PRKCA: variants seen among roughly 807,000 people sequenced by gnomAD.
The protein encoded by PRKCA is protein kinase C alpha, also known as protein kinase C alpha type.
In PRKCA, 27 loss-of-function variants were observed where a neutral mutation model predicts 87.0. The ratio of observed to expected loss-of-function variants is 0.31; its 90% CI spans 0.23 to 0.43. The LOEUF (loss-of-function observed/expected upper bound fraction) is 0.43, where lower values mean the gene tolerates loss of function less well. Ranked by LOEUF, PRKCA falls within the 20% of genes least tolerant of loss-of-function variation. The probability of loss-of-function intolerance (pLI) is 1.00; values close to 1 mark genes in which losing one functional copy is unlikely to be tolerated. For synonymous variants in PRKCA, 329 were observed against 311.1 expected (o/e 1.06, Z -0.61); for missense variants, 518 against 852.3 (o/e 0.61, Z 4.88).
At chr17:66,797,261 G>A (rs1975691961) in intron 16 of PRKCA, among the ~76,000 whole-genome samples, 1 of 152,188 alleles carries the variant, frequency 6.6e-6, no homozygotes, top group Admixed American at 6.5e-5. Context: ...GCTCCAGTGG[G>A]GGCACACTGC....
intron 3 of PRKCA, among the ~76,000 whole-genome samples, chr17:66,631,803 T>C (rs1736308977): frequency 6.6e-6 from 1 of 152,170 alleles, no homozygotes; most frequent in South Asian, 2.1e-4. Flanking sequence ...AAACATGACA[T>C]GTACCCCGTA....
chr17:66,782,601 T>C (rs935370260), intron 14 of PRKCA, among the ~76,000 whole-genome samples: 1 of 152,234 alleles, frequency 6.6e-6, no homozygotes, highest in Non-Finnish European at 1.5e-5. Flanking sequence ...CTCTACGGGA[T>C]GACTTGAAAC....
rs530233721 is a variant in PRKCA, at chr17:66,778,672, G to A, written c.1605+4605G>A. Among the ~76,000 whole-genome samples, 56 of 151,836 alleles carry A rather than the reference G, an allele frequency of 3.7e-4. 1 individual carries two copies. Among genetic ancestry groups the A allele is most frequent in the African/African-American group, 1.2e-3 (50 of 41,384 alleles). Reference sequence around the variant, plus strand: ...GACCAGGGCAACATGACAAAATCCCGTCTACAAAAGATGCAAAAATGAGCT... The same window carrying A: ...GACCAGGGCAACATGACAAAATCCCATCTACAAAAGATGCAAAAATGAGCT... On this transcript the variant is annotated intron_variant, in intron 14 of 16. Coordinates refer to ENST00000413366, the MANE Select transcript of PRKCA (RefSeq NM_002737.3).
chr17:66,749,607 G>A lies in PRKCA; in HGVS notation c.1524+6847G>A, dbSNP rs553101377. Among the ~76,000 whole-genome samples, 134 of 152,264 alleles carry A rather than the reference G, an allele frequency of 8.8e-4. 2 individuals are homozygous for A. In the South Asian group the frequency reaches 0.027, roughly 30 times the overall value. On this transcript the variant is annotated intron_variant, in intron 13 of 16. Transcript: ENST00000413366. ...AGTCTATCTCACCAAGCTCCACCACGGGCAGAATTTCATCTGGTGTTGGCT... is the reference window on the plus strand; with the variant it reads ...AGTCTATCTCACCAAGCTCCACCACAGGCAGAATTTCATCTGGTGTTGGCT...
chr17:66,526,649 A>C (rs995211159), intron 3 of PRKCA, among the ~76,000 whole-genome samples: 10 of 152,300 alleles, frequency 6.6e-5, no homozygotes, highest in African/African-American at 2.4e-4. Flanking sequence ...ATGTTGGCCA[A>C]AGTGAGTCAC....
At chr17:66,509,163 CGT>C (rs372457121) in intron 3 of PRKCA, among the ~76,000 whole-genome samples, 42 of 138,172 alleles carry the variant, frequency 3.0e-4, no homozygotes, top group African/African-American at 1.1e-3. Flanking sequence ...AGAAAAGGAA[CGT>C]GTGTGTGTGT....
intron 14 of PRKCA, chr17:66,777,469 T>C: frequency 2.1e-6 from 2 of 947,346 alleles, no homozygotes; most frequent in Non-Finnish European, 1.2e-6. Context: ...GCCAAATACG[T>C]CCGGGTGTAA....
chr17:66,570,402 T>C (rs1234356016), intron 3 of PRKCA, among the ~76,000 whole-genome samples: 1 of 152,168 alleles, frequency 6.6e-6, no homozygotes, highest in Non-Finnish European at 1.5e-5. Flanking sequence ...GTTTTAGAAA[T>C]GCCTTCAGTA....
chr17:66,786,936 A>C lies in PRKCA; in HGVS notation c.1675A>C (p.Lys559Gln). 6.2e-7 allele frequency: 1 copy of C among 1,614,094 alleles called. No homozygotes were observed. The highest frequency in any genetic ancestry group is 8.5e-7 in the Non-Finnish European group (1 of 1,179,934). Residue 559 changes from lysine to glutamine, a missense_variant, in exon 15 of 17, where the codon AAA (lysine) becomes CAA (glutamine). This residue lies in a region of PRKCA where 159 missense variants were observed against 232.4 expected (regional missense o/e 0.68). Transcript: ENST00000413366. ...SIMEHNVSYPKSLSKEAVSVC... is the reference protein window; with the variant it reads ...SIMEHNVSYPQSLSKEAVSVC... ...CATGGAGCACAACGTTTCCTATCCA[A>C]AATCCTTGTCCAAGGAGGCTGTTTC...
chr17:66,764,844 A>G (rs1175534734), intron 13 of PRKCA, among the ~76,000 whole-genome samples: 1 of 152,204 alleles, frequency 6.6e-6, no homozygotes, highest in African/African-American at 2.4e-5. Flanking sequence ...ACATTGGCCC[A>G]CAAGTGCCAG....
intron 2 of PRKCA, among the ~76,000 whole-genome samples, chr17:66,408,488 A>G (rs775621723): frequency 6.6e-6 from 1 of 152,248 alleles, no homozygotes; most frequent in Non-Finnish European, 1.5e-5. Flanking sequence ...AATGACATAA[A>G]ATACAGCTTG....
At chr17:66,795,027 C>G (rs999076222) in intron 16 of PRKCA, among the ~76,000 whole-genome samples, 3 of 152,104 alleles carry the variant, frequency 2.0e-5, no homozygotes, top group African/African-American at 7.2e-5. Flanking sequence ...TTTGCCATTA[C>G]TTTTGCACCA....
chr17:66,727,572 C>T (rs1021188196), intron 8 of PRKCA, among the ~76,000 whole-genome samples: 1 of 152,132 alleles, frequency 6.6e-6, no homozygotes, highest in Non-Finnish European at 1.5e-5. Flanking sequence ...CTTGTGGGCC[C>T]CTAGCTTATG....
chr17:66,423,462 C>A (rs563177620), intron 2 of PRKCA, among the ~76,000 whole-genome samples: 1 of 152,144 alleles, frequency 6.6e-6, no homozygotes, highest in Non-Finnish European at 1.5e-5. Context: ...GATTTACTAA[C>A]AATAGTTTGG....
At chr17:66,411,461 A>G (rs971483417) in intron 2 of PRKCA, among the ~76,000 whole-genome samples, 1 of 152,102 alleles carries the variant, frequency 6.6e-6, no homozygotes, top group Non-Finnish European at 1.5e-5. Context: ...TTTTGTTAAA[A>G]AAACAAAAAA....
intron 3 of PRKCA, among the ~76,000 whole-genome samples, chr17:66,570,854 T>C (rs1969060870): frequency 6.6e-6 from 1 of 152,206 alleles, no homozygotes; most frequent in Admixed American, 6.5e-5. Context: ...CCCTGGGTTC[T>C]AGTTACAGCT....
chr17:66,622,754 C>T (rs1226757081), intron 3 of PRKCA, among the ~76,000 whole-genome samples: 1 of 152,194 alleles, frequency 6.6e-6, no homozygotes, highest in East Asian at 1.9e-4. Flanking sequence ...AAAGGCACTT[C>T]TTAACACGGT....
chr17:66,729,254 A>G (rs1286097944), intron 8 of PRKCA, among the ~76,000 whole-genome samples: 1 of 152,134 alleles, frequency 6.6e-6, no homozygotes, highest in Non-Finnish European at 1.5e-5. Flanking sequence ...ATAAAAAAAA[A>G]TTAGCTTGGT....
chr17:66,578,163 C>T (rs1037193190), intron 3 of PRKCA, among the ~76,000 whole-genome samples: 2 of 151,936 alleles, frequency 1.3e-5, no homozygotes, highest in Non-Finnish European at 2.9e-5. Context: ...AACAAAACAG[C>T]CCTCATTGTC....
Sources: allele counts gnomAD v4.1 joint callset (sites outside exome capture counted in the v4.1 genomes callset), GRCh38; gene constraint gnomAD v4.1.1; regional missense constraint gnomAD v4.1.1; transcripts MANE v1.5; gene names NCBI Gene and HGNC (gene_info 2026-07-23, HGNC 2026-07-21).